The following GRIA2 variants were observed in gnomAD, a reference collection of about 807,000 sequenced individuals.
GRIA2 encodes the protein glutamate ionotropic receptor AMPA type subunit 2, also known as glutamate receptor 2.
Under a neutral mutation model 97.3 loss-of-function variants are expected in GRIA2, and 14 were observed. That is an observed-to-expected ratio of 0.14 (90% CI 0.10 to 0.23). The LOEUF is 0.23. Ranked by LOEUF, GRIA2 falls within the 10% of genes least tolerant of loss-of-function variation. The pLI, the probability that GRIA2 is intolerant of heterozygous loss-of-function variation, is 1.00. For synonymous variants in GRIA2, 412 were observed against 387.8 expected (o/e 1.06, Z -0.73); for missense variants, 558 against 1,069.8 (o/e 0.52, Z 6.67).
At chr4:157,253,786 A>G (rs1013756304) in intron 2 of GRIA2, among the ~76,000 whole-genome samples, 1 of 152,114 alleles carries the variant, frequency 6.6e-6, no homozygotes, top group Admixed American at 6.6e-5. Context: ...GGGAATTTTA[A>G]CTAGTGCTGA....
At chr4:157,293,229 G>A (rs183366296) in intron 2 of GRIA2, among the ~76,000 whole-genome samples, 4 of 152,202 alleles carry the variant, frequency 2.6e-5, no homozygotes, top group Admixed American at 2.6e-4. Flanking sequence ...AATAGCACAT[G>A]TGCTCCAAGA....
At chr4:157,242,574 G>C (rs920147485) in intron 2 of GRIA2, among the ~76,000 whole-genome samples, 4 of 151,586 alleles carry the variant, frequency 2.6e-5, no homozygotes, top group Non-Finnish European at 4.4e-5. Context: ...ATTCAGAAAA[G>C]TTTACCACTT....
chr4:157,242,281 A>C (rs1730543473), intron 2 of GRIA2, among the ~76,000 whole-genome samples: 1 of 152,078 alleles, frequency 6.6e-6, no homozygotes, highest in Non-Finnish European at 1.5e-5. Context: ...TATTCAGTGG[A>C]AAAAAACTAT....
intron 12 of GRIA2, among the ~76,000 whole-genome samples, chr4:157,354,773 G>A (rs1347755105): frequency 1.3e-5 from 2 of 152,160 alleles, no homozygotes; most frequent in African/African-American, 2.4e-5. Flanking sequence ...CTCCATTAGG[G>A]TAGTGCGTAT....
intron 2 of GRIA2, among the ~76,000 whole-genome samples, chr4:157,241,496 T>C (rs1730509179): frequency 1.3e-5 from 2 of 152,082 alleles, no homozygotes; most frequent in Non-Finnish European, 2.9e-5. Flanking sequence ...CCTCTCTCCA[T>C]TTCTTTTAGT....
At chr4:157,264,402 G>T (rs1486913240) in intron 2 of GRIA2, among the ~76,000 whole-genome samples, 1 of 151,896 alleles carries the variant, frequency 6.6e-6, no homozygotes, top group African/African-American at 2.4e-5. Flanking sequence ...TCCAAATCCT[G>T]CAATGGAAGG....
At chr4:157,356,216 T>G (rs28491042) in intron 12 of GRIA2, among the ~76,000 whole-genome samples, 85,082 of 88,992 alleles carry the variant, frequency 0.96, 40,837 homozygotes, top group Middle Eastern at 1. Context: ...TATATTTATA[T>G]AGAGAGAGAG....
intron 2 of GRIA2, among the ~76,000 whole-genome samples, chr4:157,287,881 A>G (rs1732916237): frequency 6.6e-6 from 1 of 151,632 alleles, no homozygotes; most frequent in Non-Finnish European, 1.5e-5. Context: ...TGTCCTGCCT[A>G]ACATTTCTGT....
chr4:157,317,414 T>C (rs1238068279), intron 4 of GRIA2, among the ~76,000 whole-genome samples: 1 of 152,172 alleles, frequency 6.6e-6, no homozygotes, highest in Non-Finnish European at 1.5e-5. Flanking sequence ...GAGGTAATAA[T>C]TTTTGTTTAG....
chr4:157,288,285 C>T (rs995951082), intron 2 of GRIA2, among the ~76,000 whole-genome samples: 2 of 151,580 alleles, frequency 1.3e-5, no homozygotes, highest in Admixed American at 1.3e-4. Context: ...ATCAAGAAAA[C>T]GACAGCCAAA....
In GRIA2 at chr4:157,324,139, A is replaced by G. The variant is rs1333601080; in HGVS notation, c.882+2540A>G. ...TAAGGGCTAATTTGTTTTCCCAGCC[A>G]TTTCCTAAAATGAGAGAATTTCAGC... is the stretch of plus-strand genomic sequence containing the variant. On this transcript the variant is annotated intron_variant, in intron 6 of 15. Coordinates refer to ENST00000264426, the MANE Select transcript of GRIA2 (RefSeq NM_001083619.3). Among the ~76,000 whole-genome samples the G allele has an allele frequency of 2.0e-5, 3 of 152,144 alleles. No homozygotes were observed. The East Asian group carries it at 5.8e-4, about 29-fold the overall frequency.
intron 12 of GRIA2, among the ~76,000 whole-genome samples, chr4:157,356,017 A>T (rs1393866143): frequency 9.4e-6 from 1 of 106,086 alleles, no homozygotes; most frequent in East Asian, 2.5e-4. Flanking sequence ...GTATTTATAT[A>T]TATTTATATA....
chr4:157,361,505 G>C lies in GRIA2; in HGVS notation c.2406+381G>C, dbSNP rs752916072. On this transcript the variant is annotated intron_variant, in intron 14 of 15. Coordinates refer to ENST00000264426, the MANE Select transcript of GRIA2 (RefSeq NM_001083619.3). This position sits in a 1 kb window ranked among gnomAD's most constrained non-coding sequence, Gnocchi z 5.2. ...GTAATGAATAACATAAAATAACATT[G>C]ATAATGTTATTTATGTTATTTTCCA... The C allele has an allele frequency of 1.5e-6, 2 of 1,327,486 alleles. No homozygotes were observed. Among genetic ancestry groups the C allele is most frequent in the Non-Finnish European group, 2.2e-6 (2 of 919,848 alleles). 82.2% of individuals were successfully genotyped at this position (1,327,486 alleles called of 1,614,324 possible).
At chr4:157,317,521 A>G (rs879613572) in intron 4 of GRIA2, 137 bp from the exon 5 acceptor site, 31 of 411,638 alleles carry the variant, frequency 7.5e-5, no homozygotes, top group Non-Finnish European at 9.3e-5. Flanking sequence ...TATTTTATCA[A>G]AAATGACTTA....
At chr4:157,343,649 T>C (rs1466364258) in intron 12 of GRIA2, among the ~76,000 whole-genome samples, 1 of 152,066 alleles carries the variant, frequency 6.6e-6, no homozygotes, top group Non-Finnish European at 1.5e-5. Flanking sequence ...AGCGTCTCCT[T>C]ATCTAGAGAA....
At chr4:157,249,512 C>A (rs1200502313) in intron 2 of GRIA2, 1 of 151,932 alleles carries the variant, frequency 6.6e-6, no homozygotes, top group Non-Finnish European at 1.5e-5. Flanking sequence ...CCAGAAAGAC[C>A]AGGTGATTTA....
At chr4:157,359,417 G>A (rs1474913912) in intron 12 of GRIA2, among the ~76,000 whole-genome samples, 5 of 152,052 alleles carry the variant, frequency 3.3e-5, no homozygotes, top group Non-Finnish European at 7.4e-5. Context: ...AGTTTCCAGC[G>A]TAATATTATC....
chr4:157,316,280 C>T (rs374704557), intron 4 of GRIA2, among the ~76,000 whole-genome samples: 14 of 152,152 alleles, frequency 9.2e-5, no homozygotes, highest in East Asian at 5.8e-4. Context: ...CCCCTTAACA[C>T]GGAGGGTTCA....
intron 2 of GRIA2, among the ~76,000 whole-genome samples, chr4:157,223,060 G>A (rs1729578979): frequency 1.3e-5 from 2 of 152,188 alleles, no homozygotes; most frequent in African/African-American, 4.8e-5. Context: ...TGGCTACAGA[G>A]CTTGGGGAAA....
Sources: gnomAD v4.1 joint callset for allele counts (sites outside exome capture counted in the v4.1 genomes callset) on GRCh38, gnomAD v4.1.1 for gene constraint, Gnocchi (gnomAD v3.1) non-coding constraint, MANE v1.5 for transcripts, NCBI Gene and HGNC (gene_info 2026-07-23, HGNC 2026-07-21) for gene names.